Variants in FTCDNL1 observed in about 807,000 individuals in gnomAD.
FTCDNL1 encodes the protein formiminotransferase cyclodeaminase N-terminal like, also known as formiminotransferase N-terminal subdomain-containing protein.
In FTCDNL1, 11 loss-of-function variants were observed where a neutral mutation model predicts 5.9. The ratio of observed to expected loss-of-function variants is 1.87; its 90% CI spans 1.18 to 3.10. FTCDNL1 has a LOEUF of 3.10. Among genes scored for constraint, FTCDNL1 ranks in the 30% most tolerant of loss-of-function variants. The pLI is 0.00. For missense variants in FTCDNL1, 115 were observed against 65.5 expected, an observed-to-expected ratio of 1.76 and a Z score of -2.61; for synonymous variants, 58 against 24.8, an observed-to-expected ratio of 2.34 and a Z score of -3.99.
At chr2:199,687,844 A>G in the FTCDNL1 span, among the ~76,000 whole-genome samples, 6 of 152,196 alleles carry the variant, frequency 3.9e-5, no homozygotes, top group Admixed American at 3.9e-4. Context: ...TCTTTGTAAT[A>G]TATGTGTTTT....
chr2:199,742,787 A>C, the FTCDNL1 span, among the ~76,000 whole-genome samples: 1 of 152,338 alleles, frequency 6.6e-6, no homozygotes, highest in East Asian at 1.9e-4. Flanking sequence ...TCAAACAAGG[A>C]AAAAGTTCAC....
intron 3 of FTCDNL1, among the ~76,000 whole-genome samples, chr2:199,790,742 A>C (rs1699885433): frequency 1.3e-5 from 2 of 152,214 alleles, no homozygotes; most frequent in African/African-American, 4.8e-5. Flanking sequence ...CTAAAGTAAC[A>C]ATGAAATTTT....
At chr2:199,681,906 AGTGTGT>A in the FTCDNL1 span, among the ~76,000 whole-genome samples, 42 of 149,630 alleles carry the variant, frequency 2.8e-4, no homozygotes, top group African/African-American at 9.0e-4. Context: ...TGCTCCAAGG[AGTGTGT>A]GTGTGTGTGT....
At chr2:199,760,750 A>G (rs2106241580) in exon 4 of FTCDNL1, 1 of 702,250 alleles carries the variant, frequency 1.4e-6, no homozygotes, top group East Asian at 2.7e-5. Flanking sequence ...CCCCAGATCC[A>G]TTCTGTGGAT....
chr2:199,819,280 G>A (rs142621018), intron 4 of FTCDNL1: 1 of 363,560 alleles, frequency 2.8e-6, no homozygotes, highest in Non-Finnish European at 5.1e-6. Flanking sequence ...CCCTGCCCCA[G>A]TGCCAGGAGC....
At chr2:199,847,707 C>T (rs2076767743) in intron 2 of FTCDNL1, among the ~76,000 whole-genome samples, 1 of 152,192 alleles carries the variant, frequency 6.6e-6, no homozygotes, top group Admixed American at 6.5e-5. Context: ...AGGCATCCAT[C>T]AGTGTGTGTC....
chr2:199,825,823 T>C (rs1701995542), intron 3 of FTCDNL1, among the ~76,000 whole-genome samples: 1 of 152,204 alleles, frequency 6.6e-6, no homozygotes, highest in Admixed American at 6.5e-5. Context: ...GGAGTATTCA[T>C]TCATAGCAAT....
chr2:199,779,914 AG>A (rs1699278270), intron 3 of FTCDNL1, among the ~76,000 whole-genome samples: 2 of 152,236 alleles, frequency 1.3e-5, no homozygotes, highest in Admixed American at 1.3e-4. Flanking sequence ...GGCTTCTTCC[AG>A]GGGGCTCAGC....
chr2:199,800,667 T>C (rs918223606), intron 3 of FTCDNL1, among the ~76,000 whole-genome samples: 3 of 152,242 alleles, frequency 2.0e-5, no homozygotes, highest in African/African-American at 7.2e-5. Flanking sequence ...TGTCATTTTA[T>C]ATGAACAGAA....
Position 199,811,928 on chromosome 2 carries a change from T to C in FTCDNL1, c.*777A>G, listed in dbSNP as rs1701059590. Among the ~76,000 whole-genome samples the C allele has an allele frequency of 6.6e-6, 1 of 152,252 alleles. No individual in the cohort carries two copies. The highest frequency in any genetic ancestry group is 1.5e-5 in the Non-Finnish European group (1 of 68,044). ...AGTGTCCCAACAGCGACTTACTTGA[T>C]TGAAATGAAACTCTTATTTTTAAAA... On this transcript the variant is annotated 3_prime_UTR_variant, in exon 5 of 5. Transcript: ENST00000420128.
chr2:199,822,855 T>G (rs1252443359), intron 3 of FTCDNL1, among the ~76,000 whole-genome samples: 1 of 152,176 alleles, frequency 6.6e-6, no homozygotes, highest in Non-Finnish European at 1.5e-5. Context: ...TGTTGGGTTT[T>G]TTTGTTTGTT....
intron 1 of FTCDNL1, among the ~76,000 whole-genome samples, chr2:199,849,261 C>T (rs564788071): frequency 4.6e-5 from 7 of 152,302 alleles, no homozygotes; most frequent in African/African-American, 1.7e-4. Context: ...AGTATGTTAT[C>T]CCATTTTAAG....
At chr2:199,704,613 G>A in the FTCDNL1 span, among the ~76,000 whole-genome samples, 1 of 152,088 alleles carries the variant, frequency 6.6e-6, no homozygotes, top group Non-Finnish European at 1.5e-5. Context: ...AAGAAGAGCT[G>A]GATAAATGGG....
At chr2:199,705,458 C>A in the FTCDNL1 span, among the ~76,000 whole-genome samples, 4 of 152,040 alleles carry the variant, frequency 2.6e-5, no homozygotes, top group Non-Finnish European at 4.4e-5. Flanking sequence ...TTTTTGTATG[C>A]TGATTTTGTA....
chr2:199,846,311 T>C (rs993734645), intron 2 of FTCDNL1, 141 bp from the exon 3 acceptor site: 1 of 574,322 alleles, frequency 1.7e-6, no homozygotes, highest in African/African-American at 1.9e-5. Context: ...TGAATAAACA[T>C]GAAATTCATG....
rs115678332 is a variant in FTCDNL1 at position 199,825,665 on chromosome 2, G to A, written c.212-5908C>T. 1.3e-3 allele frequency among the ~76,000 whole-genome samples: 191 copies of A among 152,256 alleles called. 1 individual carries two copies. The highest frequency in any genetic ancestry group is 4.2e-3 in the African/African-American group (174 of 41,560). On this transcript the variant is annotated intron_variant, in intron 3 of 4. Transcript: ENST00000420128. ...TCTCTTGCTCCCTCACTCACCATGC[G>A]ACACACCTGTTCCCCCTTTGCCTTA... is the stretch of plus-strand genomic sequence containing the variant.
chr2:199,814,394 C>T (rs1481521462), intron 4 of FTCDNL1, among the ~76,000 whole-genome samples: 1 of 152,226 alleles, frequency 6.6e-6, no homozygotes, highest in Non-Finnish European at 1.5e-5. Flanking sequence ...CTCAACAGGA[C>T]ACTGCCTCTG....
intron 4 of FTCDNL1, among the ~76,000 whole-genome samples, chr2:199,817,893 C>T (rs185367399): frequency 1.6e-4 from 25 of 152,192 alleles, no homozygotes; most frequent in African/African-American, 4.6e-4. Flanking sequence ...GGAAGCAATC[C>T]TCCCTTTAGT....
At chr2:199,776,410 G>A (rs558429342) in intron 3 of FTCDNL1, among the ~76,000 whole-genome samples, 8 of 152,288 alleles carry the variant, frequency 5.3e-5, no homozygotes, top group East Asian at 3.9e-4. Flanking sequence ...TAATGCACTC[G>A]TGTTGCCAAT....
Sources: gnomAD v4.1 joint callset for allele counts (sites outside exome capture counted in the v4.1 genomes callset) on GRCh38, gnomAD v4.1.1 for gene constraint, MANE v1.5 for transcripts, NCBI Gene and HGNC (gene_info 2026-07-23, HGNC 2026-07-21) for gene names.